Variants in SLC28A3 observed in about 807,000 individuals in gnomAD.
The protein encoded by SLC28A3 is solute carrier family 28 member 3.
In SLC28A3, 68 loss-of-function variants were observed where a neutral mutation model predicts 84.2. The observed-to-expected ratio is 0.81, with a 90% CI of 0.66 to 0.99. The LOEUF is 0.99. Ranked by LOEUF, SLC28A3 falls within the 50% of genes least tolerant of loss-of-function variation. The pLI, the probability that SLC28A3 is intolerant of heterozygous loss-of-function variation, is 0.00. For missense variants in SLC28A3, 712 were observed against 841.5 expected (o/e 0.85, Z 1.90); for synonymous variants, 267 against 303.6 (o/e 0.88, Z 1.25).
Position 84,305,241 on chromosome 9 carries a change from C to A in SLC28A3, c.334+13G>T. ...AAAAGACAGTGGTATCCCTAACCAT[C>A]TTTGTTATTTACCTGCTAATAAAAT... On this transcript the variant is annotated intron_variant, in intron 4 of 17. Coordinates refer to ENST00000376238, the MANE Select transcript of SLC28A3 (RefSeq NM_001199633.2). 6.4e-7 allele frequency: 1 copy of A among 1,563,294 alleles called. No homozygotes were observed. Among genetic ancestry groups the A allele is most frequent in the Non-Finnish European group, 8.7e-7 (1 of 1,143,086 alleles).
In SLC28A3 at chr9:84,279,335, T is replaced by G. The variant is rs748263866; in HGVS notation, c.1879A>C (p.Asn627His). Residue 627 changes from asparagine to histidine, a missense_variant, in exon 17 of 18, where the codon AAT (asparagine) becomes CAT (histidine). Coordinates refer to ENST00000376238, the MANE Select transcript of SLC28A3 (RefSeq NM_001199633.2). ...CCAGGGAAAGTGGAGTTGAAGGCAT[T>G]CTCTAAAACGTGATGGCAGTTGATG... is the stretch of plus-strand genomic sequence containing the variant. Reference protein sequence around the residue: ...VDINCHHVLENAFNSTFPGNT... With the variant: ...VDINCHHVLEHAFNSTFPGNT... 1 of 1,613,344 alleles carries G rather than the reference T, an allele frequency of 6.2e-7. No individual in the cohort carries two copies. Among genetic ancestry groups the G allele is most frequent in the Non-Finnish European group, 8.5e-7 (1 of 1,179,512 alleles).
chr9:84,303,586 C>T (rs1037482917), intron 4 of SLC28A3, among the ~76,000 whole-genome samples: 5 of 152,206 alleles, frequency 3.3e-5, no homozygotes, highest in African/African-American at 1.2e-4. Context: ...TCCAAAAGTG[C>T]TGGGATTATA....
At chr9:84,350,803 C>T in the SLC28A3 span, among the ~76,000 whole-genome samples, 2 of 152,118 alleles carry the variant, frequency 1.3e-5, no homozygotes, top group Non-Finnish European at 2.9e-5. Context: ...CCTCCACCTC[C>T]CTGGGTTCAA....
At chr9:84,300,526 C>T (rs1484981356) in intron 5 of SLC28A3, among the ~76,000 whole-genome samples, 1 of 152,240 alleles carries the variant, frequency 6.6e-6, no homozygotes, top group Non-Finnish European at 1.5e-5. Flanking sequence ...TGACTCAGGA[C>T]TCACGGCTTG....
intron 1 of SLC28A3, among the ~76,000 whole-genome samples, chr9:84,320,889 C>T (rs113153909): frequency 0.021 from 3,107 of 150,180 alleles, 47 homozygotes; most frequent in Admixed American, 0.027. Context: ...TTGCTTGAAC[C>T]GGGGAGGCAG....
At chr9:84,281,470 A>G (rs1362438703) in intron 14 of SLC28A3, among the ~76,000 whole-genome samples, 2 of 152,222 alleles carry the variant, frequency 1.3e-5, no homozygotes, top group Admixed American at 1.3e-4. Context: ...GCCTCCACTA[A>G]AATTAAAAAA....
chr9:84,331,588 G>A (rs185996537), intron 1 of SLC28A3, among the ~76,000 whole-genome samples: 130 of 152,136 alleles, frequency 8.5e-4, no homozygotes, highest in Middle Eastern at 3.4e-3. Flanking sequence ...GCAGAGTGAG[G>A]CCCATTTCCC....
intron 8 of SLC28A3, among the ~76,000 whole-genome samples, chr9:84,294,905 T>TG (rs5898853): frequency 0.22 from 32,676 of 151,968 alleles, 5,515 homozygotes; most frequent in African/African-American, 0.46. Context: ...GCAGGCCATA[T>TG]GGGGGATCCA....
intron 14 of SLC28A3, 101 bp from the exon 15 acceptor site, chr9:84,280,983 A>T: frequency 9.4e-7 from 1 of 1,059,352 alleles, no homozygotes; most frequent in Non-Finnish European, 1.4e-6. Context: ...CAATATTGAC[A>T]AATAAATGCA....
intron 1 of SLC28A3, among the ~76,000 whole-genome samples, chr9:84,320,216 A>T (rs12349906): frequency 3.4e-5 from 5 of 147,744 alleles, no homozygotes; most frequent in African/African-American, 1.2e-4. Flanking sequence ...CACCCTGCTC[A>T]TTTTTTTTTT....
chr9:84,349,011 C>T, the SLC28A3 span, among the ~76,000 whole-genome samples: 6 of 151,832 alleles, frequency 4.0e-5, no homozygotes, highest in African/African-American at 1.2e-4. Context: ...GGGTGTCTCA[C>T]GTGTCAGTGT....
intron 5 of SLC28A3, among the ~76,000 whole-genome samples, 161 bp downstream of exon 5, chr9:84,302,039 C>T (rs773466830): frequency 8.2e-4 from 124 of 152,130 alleles, no homozygotes; most frequent in Non-Finnish European, 1.5e-3. Flanking sequence ...GCTTTGATTT[C>T]CTGTTTGTAA....
At position 84,297,436 on chromosome 9, in the gene SLC28A3, T is replaced by C. The variant is rs914603161; in HGVS notation, c.784-138A>G. 9 of 647,726 alleles carry C rather than the reference T, an allele frequency of 1.4e-5. No individual in the cohort carries two copies. In the African/African-American group the frequency reaches 1.6e-4, roughly 12 times the overall value. The allele number at this position is 647,726 out of a possible 1,614,324, so 40.1% of individuals were successfully genotyped here. ...CTTGGAAAGTTAATGTTCTCAGCTT[T>C]GCCCCCTCCAATGAATGGTGTAGAA... On this transcript the variant is annotated intron_variant, in intron 7 of 17. Coordinates refer to ENST00000376238, the MANE Select transcript of SLC28A3 (RefSeq NM_001199633.2).
chr9:84,351,344 G>GT, the SLC28A3 span, among the ~76,000 whole-genome samples: 3 of 152,054 alleles, frequency 2.0e-5, no homozygotes, highest in Non-Finnish European at 2.9e-5. Flanking sequence ...GACTTTATTA[G>GT]TATCTGCCTG....
chr9:84,348,385 A>G, the SLC28A3 span, among the ~76,000 whole-genome samples: 4 of 151,054 alleles, frequency 2.6e-5, no homozygotes, highest in Admixed American at 2.6e-4. Context: ...CAGGCTCTGA[A>G]CTTAGATTAG....
intron 1 of SLC28A3, among the ~76,000 whole-genome samples, chr9:84,322,599 C>CT (rs1826415662): frequency 6.6e-6 from 1 of 152,116 alleles, no homozygotes; most frequent in Non-Finnish European, 1.5e-5. Context: ...AATCCCAGCA[C>CT]TTTGGGAGGC....
At position 84,333,926 on chromosome 9, in the gene SLC28A3, A is replaced by T. The variant is rs1348995730; in HGVS notation, c.60+6648T>A. ...CAAATGTCCACTAGCAGCAAAATGT[A>T]TAAGTTGTGGAATATTTACATGGCA... is the stretch of plus-strand genomic sequence containing the variant. On this transcript the variant is annotated intron_variant, in intron 1 of 17. Coordinates refer to ENST00000376238, the MANE Select transcript of SLC28A3 (RefSeq NM_001199633.2). Among the ~76,000 whole-genome samples the T allele has an allele frequency of 2.6e-5, 4 of 152,346 alleles. No individual in the cohort carries two copies. In the East Asian group the frequency reaches 7.7e-4, roughly 29 times the overall value.
the SLC28A3 span, among the ~76,000 whole-genome samples, chr9:84,354,674 C>G: frequency 6.6e-6 from 1 of 152,056 alleles, no homozygotes. Context: ...ATGGCGAAAC[C>G]CTGTCTCTAC....
At chr9:84,326,666 CAA>C (rs1826564209) in intron 1 of SLC28A3, among the ~76,000 whole-genome samples, 2 of 151,820 alleles carry the variant, frequency 1.3e-5, no homozygotes, top group South Asian at 2.1e-4. Context: ...ACAACAACAA[CAA>C]CAACAACAAC....
Sources: allele counts gnomAD v4.1 joint callset (sites outside exome capture counted in the v4.1 genomes callset), GRCh38; gene constraint gnomAD v4.1.1; transcripts MANE v1.5; gene names NCBI Gene and HGNC (gene_info 2026-07-23, HGNC 2026-07-21).